The following SLAIN1 variants were observed in gnomAD, a reference collection of about 807,000 sequenced individuals.
The protein encoded by SLAIN1 is SLAIN motif-containing protein 1.
In SLAIN1, 17 loss-of-function variants were observed where a neutral mutation model predicts 55.4. The observed-to-expected ratio is 0.31, with a 90% CI of 0.21 to 0.46. The LOEUF (loss-of-function observed/expected upper bound fraction) is 0.46. SLAIN1 is among the 20% of genes least tolerant of loss of function. The probability of loss-of-function intolerance (pLI) is 1.00; values close to 1 mark genes in which losing one functional copy is unlikely to be tolerated. For missense variants in SLAIN1, 682 were observed against 785.1 expected (o/e 0.87, Z 1.57); for synonymous variants, 348 against 337.4 (o/e 1.03, Z -0.35).
intron 5 of SLAIN1, among the ~76,000 whole-genome samples, chr13:77,760,151 C>T (rs1471359589): frequency 1.3e-5 from 2 of 152,168 alleles, no homozygotes; most frequent in East Asian, 1.9e-4. Flanking sequence ...TGATTGTTTT[C>T]CTTGGAGAAA....
chr13:77,744,219 T>C (rs1215305218), intron 2 of SLAIN1, 64 bp from the exon 3 acceptor site: 1 of 1,171,176 alleles, frequency 8.5e-7, no homozygotes, highest in Non-Finnish European at 1.3e-6. Flanking sequence ...TATATATGAA[T>C]TGTGAAGCAT....
At chr13:77,732,215 C>T (rs917519330) in intron 2 of SLAIN1, among the ~76,000 whole-genome samples, 1 of 152,166 alleles carries the variant, frequency 6.6e-6, no homozygotes, top group Non-Finnish European at 1.5e-5. Context: ...CATCACTCTT[C>T]CATTCAATAA....
intron 2 of SLAIN1, chr13:77,742,878 G>T: frequency 7.7e-6 from 2 of 260,524 alleles, no homozygotes; most frequent in Non-Finnish European, 1.3e-5. Context: ...ATTTAGATAA[G>T]TGGAAGTCAG....
At position 77,763,301 on chromosome 13, in the gene SLAIN1, T is replaced by C. The variant is rs1875207397; in HGVS notation, c.*81T>C. 1 of 1,052,628 alleles carries C rather than the reference T, an allele frequency of 9.5e-7. No homozygotes were observed. The highest frequency in any genetic ancestry group is 1.5e-6 in the Non-Finnish European group (1 of 681,780). The allele number at this position is 1,052,628 out of a possible 1,614,324, so 65.2% of individuals were successfully genotyped here. On this transcript the variant is annotated 3_prime_UTR_variant, in exon 7 of 7. Coordinates refer to ENST00000418532, the MANE Select transcript of SLAIN1 (RefSeq NM_001242868.2). ...ACCTAGCTGGCTGGGTAGCAGTGGA[T>C]GTTGGGATATTCTTTCCCTTTTGTG...
chr13:77,753,719 T>C (rs1874403577), intron 5 of SLAIN1, among the ~76,000 whole-genome samples: 1 of 152,198 alleles, frequency 6.6e-6, no homozygotes, highest in Non-Finnish European at 1.5e-5. Context: ...TATCCACTCA[T>C]CATACAAAAA....
At chr13:77,720,694 C>T (rs1594263931) in intron 2 of SLAIN1, among the ~76,000 whole-genome samples, 2 of 152,230 alleles carry the variant, frequency 1.3e-5, no homozygotes, top group East Asian at 3.9e-4. Flanking sequence ...CCCAGGGTTA[C>T]AAGGCAGAAT....
intron 1 of SLAIN1, among the ~76,000 whole-genome samples, chr13:77,711,762 G>T (rs1449043261): frequency 1.3e-5 from 2 of 152,106 alleles, no homozygotes; most frequent in Non-Finnish European, 2.9e-5. Flanking sequence ...ACCTGGCAGA[G>T]ACACAAATAA....
chr13:77,724,847 G>A (rs932801621), intron 2 of SLAIN1, among the ~76,000 whole-genome samples: 1 of 152,038 alleles, frequency 6.6e-6, no homozygotes, highest in South Asian at 2.1e-4. Flanking sequence ...CCAGTAACTC[G>A]TCATTTTATT....
chr13:77,697,781 C>G lies in SLAIN1; in HGVS notation c.-133C>G, dbSNP rs2090988158. The G allele has an allele frequency of 1.3e-5, 13 of 978,786 alleles. No individual in the cohort carries two copies. The highest frequency in any genetic ancestry group is 1.7e-5 in the African/African-American group (1 of 57,590). The allele number at this position is 978,786 out of a possible 1,614,324, so 60.6% of individuals were successfully genotyped here. Reference sequence around the variant, plus strand: ...GCCCGGTGCTGATGCGAACCGCCGGCTCGGCCTCAGCCCGCGCGTGGTCGG... The same window carrying G: ...GCCCGGTGCTGATGCGAACCGCCGGGTCGGCCTCAGCCCGCGCGTGGTCGG... On this transcript the variant is annotated 5_prime_UTR_variant, in exon 1 of 7. Coordinates refer to ENST00000418532, the MANE Select transcript of SLAIN1 (RefSeq NM_001242868.2).
At chr13:77,718,427 C>T (rs1239992639) in intron 1 of SLAIN1, among the ~76,000 whole-genome samples, 2 of 152,018 alleles carry the variant, frequency 1.3e-5, no homozygotes, top group Non-Finnish European at 1.5e-5. Flanking sequence ...GCTTACAAAG[C>T]CTGAAATATT....
intron 1 of SLAIN1, among the ~76,000 whole-genome samples, chr13:77,702,762 T>C (rs901851753): frequency 6.6e-6 from 1 of 152,184 alleles, no homozygotes; most frequent in Non-Finnish European, 1.5e-5. Flanking sequence ...AGTAAGTTTA[T>C]AAAGTCAATT....
chr13:77,751,692 C>G (rs1167616837), intron 4 of SLAIN1, among the ~76,000 whole-genome samples: 3 of 152,174 alleles, frequency 2.0e-5, no homozygotes. Flanking sequence ...GAGCCTGGGC[C>G]TTGAAGCCCT....
intron 2 of SLAIN1, among the ~76,000 whole-genome samples, chr13:77,732,588 T>C (rs559183676): frequency 1.3e-5 from 2 of 152,286 alleles, no homozygotes; most frequent in South Asian, 2.1e-4. Context: ...ATTTAAACTA[T>C]AGCAGACACA....
chr13:77,709,271 G>C (rs554272016), intron 1 of SLAIN1, among the ~76,000 whole-genome samples: 3 of 152,212 alleles, frequency 2.0e-5, no homozygotes, highest in Non-Finnish European at 4.4e-5. Context: ...TATGTGAAAA[G>C]ACCAAACCTA....
At chr13:77,713,359 G>A (rs569314660) in intron 1 of SLAIN1, among the ~76,000 whole-genome samples, 19 of 152,192 alleles carry the variant, frequency 1.2e-4, no homozygotes, top group Middle Eastern at 3.4e-3. Context: ...AAAAGTGGGC[G>A]AAGGATATGA....
In SLAIN1 at chr13:77,706,740, G is replaced by A. The variant is rs1426256867; in HGVS notation, c.626+8201G>A. 2.6e-5 allele frequency among the ~76,000 whole-genome samples: 4 copies of A among 152,202 alleles called. No individual in the cohort carries two copies. In the East Asian group the frequency reaches 7.7e-4, roughly 29 times the overall value. Reference sequence around the variant, plus strand: ...CTGAGAAAGGAGACCTGCAGGAGAGGCACACTTTGAGATCCTGCGTATTTG... The same window carrying A: ...CTGAGAAAGGAGACCTGCAGGAGAGACACACTTTGAGATCCTGCGTATTTG... On this transcript the variant is annotated intron_variant, in intron 1 of 6. Coordinates refer to ENST00000418532, the MANE Select transcript of SLAIN1 (RefSeq NM_001242868.2).
intron 2 of SLAIN1, among the ~76,000 whole-genome samples, chr13:77,728,005 C>A (rs2091323760): frequency 6.6e-6 from 1 of 152,114 alleles, no homozygotes. Flanking sequence ...TCTCTACCTA[C>A]AAATACAGGT....
intron 1 of SLAIN1, among the ~76,000 whole-genome samples, chr13:77,708,959 A>C (rs2091118375): frequency 6.6e-6 from 1 of 151,868 alleles, no homozygotes; most frequent in African/African-American, 2.4e-5. Context: ...GTAATAACAA[A>C]CTCCTCCGAG....
intron 1 of SLAIN1, among the ~76,000 whole-genome samples, chr13:77,710,314 G>A (rs868646105): frequency 1.3e-5 from 2 of 152,064 alleles, no homozygotes; most frequent in Non-Finnish European, 2.9e-5. Context: ...ACCCATTGGT[G>A]TGCTGTATTC....
Sources: allele counts gnomAD v4.1 joint callset (sites outside exome capture counted in the v4.1 genomes callset), GRCh38; gene constraint gnomAD v4.1.1; transcripts MANE v1.5; gene names NCBI Gene and HGNC (gene_info 2026-07-23, HGNC 2026-07-21).